The following ABLIM2 variants were observed in gnomAD, a reference collection of about 807,000 sequenced individuals.
ABLIM2 encodes the protein actin binding LIM protein family member 2.
ABLIM2 carries 53 observed loss-of-function variants against 97.7 expected under a neutral mutation model. The observed-to-expected ratio is 0.54, with a 90% CI of 0.44 to 0.68. The LOEUF is 0.68. Ranked by LOEUF, ABLIM2 falls within the 30% of genes least tolerant of loss-of-function variation. The probability of loss-of-function intolerance (pLI) is 0.00; values close to 1 mark genes in which losing one functional copy is unlikely to be tolerated. For missense variants in ABLIM2, 835 were observed against 867.2 expected, an observed-to-expected ratio of 0.96 and a Z score of 0.47; for synonymous variants, 361 against 345.8, an observed-to-expected ratio of 1.04 and a Z score of -0.49.
chr4:7,983,120 T>C (rs1740169584), intron 20 of ABLIM2, 144 bp downstream of exon 20: 4 of 854,630 alleles, frequency 4.7e-6, no homozygotes, highest in Non-Finnish European at 7.4e-6. Flanking sequence ...TGAGGCAATG[T>C]GGGCCTGACT....
chr4:8,084,392 C>T (rs1821954030), intron 4 of ABLIM2, among the ~76,000 whole-genome samples: 1 of 152,234 alleles, frequency 6.6e-6, no homozygotes, highest in African/African-American at 2.4e-5. Flanking sequence ...CCCGGCCTCA[C>T]CTCGAGGCTC....
intron 17 of ABLIM2, chr4:7,989,319 T>G: frequency 1.3e-6 from 1 of 765,252 alleles, no homozygotes; most frequent in Non-Finnish European, 1.6e-6. Context: ...CCTCAAGTGA[T>G]CCACCCACCT....
At chr4:8,081,167 T>C (rs1193668233) in intron 4 of ABLIM2, among the ~76,000 whole-genome samples, 1 of 151,014 alleles carries the variant, frequency 6.6e-6, no homozygotes, top group South Asian at 2.1e-4. Context: ...CAAAGGGAAA[T>C]GGACCATATT....
At chr4:7,969,708 GTCTC>G (rs1190814250) in intron 20 of ABLIM2, among the ~76,000 whole-genome samples, 2 of 118,496 alleles carry the variant, frequency 1.7e-5, no homozygotes, top group African/African-American at 3.2e-5. Context: ...CTCAGAGTCA[GTCTC>G]TCTTTCTCTC....
At chr4:8,050,640 C>G (rs1014405767) in intron 8 of ABLIM2, among the ~76,000 whole-genome samples, 2 of 152,238 alleles carry the variant, frequency 1.3e-5, no homozygotes, top group African/African-American at 4.8e-5. Flanking sequence ...GGTCTGCCTG[C>G]CTTCTGCATA....
In ABLIM2 at chr4:8,021,669, C is replaced by G. The variant is rs1578879439; in HGVS notation, c.1268-1366G>C. On this transcript the variant is annotated intron_variant, in intron 12 of 20. Transcript: ENST00000447017. This position sits in a 1 kb window ranked among gnomAD's most constrained non-coding sequence, Gnocchi z 5.5. ...ACTCGTGAGGAGGGCTCGACAGACA[C>G]TGGCCCAGAGGGGGCTCTTGCCTGG... 6.6e-6 allele frequency among the ~76,000 whole-genome samples: 1 copy of G among 152,378 alleles called. No homozygotes were observed. Among genetic ancestry groups the G allele is most frequent in the Admixed American group, 6.5e-5 (1 of 15,306 alleles).
At chr4:8,070,209 T>A (rs1433925715) in intron 6 of ABLIM2, among the ~76,000 whole-genome samples, 1 of 151,568 alleles carries the variant, frequency 6.6e-6, no homozygotes, top group African/African-American at 2.4e-5. Flanking sequence ...GTCTTGTGTG[T>A]GTGACCGCGT....
At chr4:8,117,133 C>T (rs1561523764) in intron 1 of ABLIM2, among the ~76,000 whole-genome samples, 1 of 152,200 alleles carries the variant, frequency 6.6e-6, no homozygotes, top group African/African-American at 2.4e-5. Context: ...CCCTTCAAAT[C>T]CTGGCGTGAC....
intron 1 of ABLIM2, among the ~76,000 whole-genome samples, chr4:8,136,662 C>T (rs768359650): frequency 7.2e-5 from 11 of 152,228 alleles, no homozygotes; most frequent in Non-Finnish European, 1.3e-4. Context: ...CATCTGCCAA[C>T]AGCACCACTG....
At position 8,158,755 on chromosome 4, in the gene ABLIM2, G is replaced by C. The variant is rs1716261825; in HGVS notation, c.-66C>G. The C allele has an allele frequency of 5.3e-6, 7 of 1,315,556 alleles. No individual in the cohort carries two copies. Among genetic ancestry groups the C allele is most frequent in the Non-Finnish European group, 6.8e-6 (7 of 1,033,486 alleles). 81.5% of individuals were successfully genotyped at this position (1,315,556 alleles called of 1,614,324 possible). ...CAGCCAGACCCTCGGGCCCGCAGGT[G>C]CCGCGCCCGCGCTATCCTCCGCCCG... On this transcript the variant is annotated 5_prime_UTR_variant, in exon 1 of 21. Coordinates refer to ENST00000447017, the MANE Select transcript of ABLIM2 (RefSeq NM_001130083.2).
chr4:8,020,487 C>T (rs945361326), intron 12 of ABLIM2, 184 bp from the exon 13 acceptor site: 1 of 680,908 alleles, frequency 1.5e-6, no homozygotes, highest in Admixed American at 2.1e-5. Context: ...TGTCCAAGGA[C>T]TTGCTAATCC....
intron 1 of ABLIM2, among the ~76,000 whole-genome samples, chr4:8,111,919 T>C (rs13116127): frequency 0.94 from 137,683 of 145,784 alleles, 65,530 homozygotes; most frequent in East Asian, 1. Flanking sequence ...AGAATAAGAC[T>C]CTGTCTCAAA....
chr4:8,026,827 C>G, intron 12 of ABLIM2, among the ~76,000 whole-genome samples: 1 of 150,732 alleles, frequency 6.6e-6, no homozygotes, highest in East Asian at 1.9e-4. Context: ...GCAGACATCG[C>G]TGTGTCTGCA....
chr4:8,010,220 A>G (rs1764036567), intron 14 of ABLIM2, among the ~76,000 whole-genome samples: 1 of 152,240 alleles, frequency 6.6e-6, no homozygotes, highest in Non-Finnish European at 1.5e-5. Context: ...CTGGGCTGAC[A>G]TTTCCAGCGA....
At position 7,970,572 on chromosome 4, in the gene ABLIM2, G is replaced by A. The variant is rs926072451; in HGVS notation, c.1825-3469C>T. On this transcript the variant is annotated intron_variant, in intron 20 of 20. Transcript: ENST00000447017. The surrounding 1 kb of genome is among the most constrained non-coding windows in gnomAD (Gnocchi z 5.3). ...ACACCATGTGCTCCAGGCTGTGGGA[G>A]CCTCTGGGGAGGGCGATTCGAGGAA... Among the ~76,000 whole-genome samples, 1 of 151,960 alleles carries A rather than the reference G, an allele frequency of 6.6e-6. No individual in the cohort carries two copies. The highest frequency in any genetic ancestry group is 1.5e-5 in the Non-Finnish European group (1 of 67,990).
intron 20 of ABLIM2, 36 bp downstream of exon 20, chr4:7,983,228 G>A: frequency 6.3e-7 from 1 of 1,584,282 alleles, no homozygotes; most frequent in Non-Finnish European, 8.6e-7. Flanking sequence ...TCTCGCATGG[G>A]AAATGAGTCC....
At chr4:8,070,216 G>A (rs556385804) in intron 6 of ABLIM2, among the ~76,000 whole-genome samples, 9 of 150,554 alleles carry the variant, frequency 6.0e-5, no homozygotes, top group East Asian at 5.9e-4. Flanking sequence ...GTGTGTGACC[G>A]CGTGTGTCTG....
At chr4:8,121,215 C>G (rs373730595) in intron 1 of ABLIM2, among the ~76,000 whole-genome samples, 2 of 152,168 alleles carry the variant, frequency 1.3e-5, no homozygotes, top group Admixed American at 6.5e-5. Flanking sequence ...GGTGACCACA[C>G]GGGGCTGGCA....
chr4:8,154,413 T>C (rs1264028833), intron 1 of ABLIM2, among the ~76,000 whole-genome samples: 2 of 150,630 alleles, frequency 1.3e-5, no homozygotes, highest in East Asian at 2.0e-4. Flanking sequence ...TCCTGAGTAG[T>C]GGGGATTACA....
Sources: allele counts gnomAD v4.1 joint callset (sites outside exome capture counted in the v4.1 genomes callset), GRCh38; gene constraint gnomAD v4.1.1; non-coding constraint Gnocchi (gnomAD v3.1); transcripts MANE v1.5; gene names NCBI Gene and HGNC (gene_info 2026-07-23, HGNC 2026-07-21).